SNX4: variants seen among roughly 807,000 people sequenced by gnomAD.
SNX4 encodes the protein sorting nexin 4, also known as sorting nexin-4.
A neutral mutation model predicts 70.8 loss-of-function variants in SNX4; 49 were observed. That is an observed-to-expected ratio of 0.69 (90% CI 0.55 to 0.88). The LOEUF is 0.88. Ranked by LOEUF, SNX4 falls within the 40% of genes least tolerant of loss-of-function variation. The pLI, the probability that SNX4 is intolerant of heterozygous loss-of-function variation, is 0.00. For missense variants in SNX4, 528 were observed against 544.8 expected (o/e 0.97, Z 0.31); for synonymous variants, 206 against 183.8 (o/e 1.12, Z -0.98).
intron 6 of SNX4, among the ~76,000 whole-genome samples, chr3:125,486,707 C>G (rs543774092): frequency 6.6e-6 from 1 of 152,112 alleles, no homozygotes; most frequent in African/African-American, 2.4e-5. Flanking sequence ...TTATTTGCAA[C>G]AATATAAGAT....
intron 5 of SNX4, among the ~76,000 whole-genome samples, chr3:125,490,524 CAAAAAAAAAAA>C (rs1173858739): frequency 3.1e-4 from 15 of 48,900 alleles, no homozygotes; most frequent in African/African-American, 1.1e-3. Context: ...ACTCTGTCTC[CAAAAAAAAAAA>C]AAAAAAAAAA....
chr3:125,517,793 T>C (rs1174979189), intron 1 of SNX4, among the ~76,000 whole-genome samples: 1 of 151,560 alleles, frequency 6.6e-6, no homozygotes, highest in Non-Finnish European at 1.5e-5. Context: ...CTGGCGAACA[T>C]GATGAAACCC....
intron 1 of SNX4, among the ~76,000 whole-genome samples, chr3:125,513,035 G>T (rs935074398): frequency 2.0e-5 from 3 of 152,190 alleles, no homozygotes; most frequent in African/African-American, 7.2e-5. Flanking sequence ...GGAAAACAGA[G>T]ATAATAGTAC....
At chr3:125,483,814 A>G (rs190774925) in intron 6 of SNX4, among the ~76,000 whole-genome samples, 1 of 152,340 alleles carries the variant, frequency 6.6e-6, no homozygotes, top group African/African-American at 2.4e-5. Flanking sequence ...CTTAGATAAC[A>G]ATGTATGTTT....
At chr3:125,467,383 T>A (rs954324498) in intron 9 of SNX4, among the ~76,000 whole-genome samples, 10 of 151,732 alleles carry the variant, frequency 6.6e-5, no homozygotes, top group African/African-American at 2.4e-4. Flanking sequence ...TGAGACTCCA[T>A]CTCAGAAAAA....
chr3:125,490,393 G>A (rs899754538), intron 5 of SNX4, among the ~76,000 whole-genome samples: 6 of 151,262 alleles, frequency 4.0e-5, no homozygotes, highest in Admixed American at 6.6e-5. Flanking sequence ...GTGGTGGCGC[G>A]TGCCTGTAGT....
At chr3:125,483,976 G>A (rs1024474741) in intron 6 of SNX4, among the ~76,000 whole-genome samples, 2 of 152,112 alleles carry the variant, frequency 1.3e-5, no homozygotes, top group Non-Finnish European at 1.5e-5. Context: ...CATATATAAC[G>A]TCAGAATGTT....
chr3:125,486,591 A>G (rs960297372), intron 6 of SNX4, among the ~76,000 whole-genome samples: 1 of 152,168 alleles, frequency 6.6e-6, no homozygotes, highest in Non-Finnish European at 1.5e-5. Flanking sequence ...GCAGCACTGC[A>G]CTCCAGCCTG....
In SNX4 at chr3:125,520,117, G is replaced by T. The variant is rs753507857; in HGVS notation, c.56C>A (p.Pro19Gln). The T allele has an allele frequency of 4.0e-6, 6 of 1,482,422 alleles. No homozygotes were observed. The highest frequency in any genetic ancestry group is 2.9e-5 in the East Asian group (1 of 34,308). The allele number at this position is 1,482,422 out of a possible 1,614,324, so 91.8% of individuals were successfully genotyped here. ...CAGCCCAGCGTCTGGGGAGCCCAGC[G>T]GCTCCAAGGGCGCCGGCTGGAGCTG... The part of the protein sequence containing the change: ...ERQLQPAPLE[P>Q]LGSPDAGLGA... The change falls in exon 1 of 14, where the codon CCG becomes CAG. Residue 19 changes from proline to glutamine, a missense_variant. This residue lies in a region of SNX4 where 341 missense variants were observed against 312.2 expected (regional missense o/e 1.09). Transcript: ENST00000251775.
At position 125,446,679 on chromosome 3, in the gene SNX4, T is replaced by G. The variant is rs971056456; in HGVS notation, c.*1100A>C. The G allele has an allele frequency of 6.6e-6, 1 of 152,612 alleles. No individual in the cohort carries two copies. Among genetic ancestry groups the G allele is most frequent in the African/African-American group, 2.4e-5 (1 of 41,436 alleles). 9.5% of individuals were successfully genotyped at this position (152,612 alleles called of 1,614,324 possible). A position where few individuals can be genotyped will look rare whatever the true frequency, so the allele number is the denominator to read the frequency against. ...CACAATATTTCATTTATTTATTGTA[T>G]AAGTTTGGCAAACAGCACAAAAATC... is the stretch of plus-strand genomic sequence containing the variant. On this transcript the variant is annotated 3_prime_UTR_variant, in exon 14 of 14. Transcript: ENST00000251775.
chr3:125,494,401 A>G (rs1188715550), intron 5 of SNX4, among the ~76,000 whole-genome samples: 1 of 152,198 alleles, frequency 6.6e-6, no homozygotes, highest in African/African-American at 2.4e-5. Context: ...AGAGTTCCTC[A>G]TCTAAAAAAT....
Position 125,476,728 on chromosome 3 carries a change from T to C in SNX4, c.755A>G (p.Tyr252Cys), listed in dbSNP as rs767410178. 1.2e-6 allele frequency: 2 copies of C among 1,600,084 alleles called. No individual in the cohort carries two copies. Among genetic ancestry groups the C allele is most frequent in the Admixed American group, 3.4e-5 (2 of 59,054 alleles). Residue 252 changes from tyrosine (Y) to cysteine (C), a missense_variant, in exon 8 of 14, where the codon TAT (tyrosine) becomes TGT (cysteine). This residue lies in a region of SNX4 where 341 missense variants were observed against 312.2 expected (regional missense o/e 1.09). Transcript: ENST00000251775. ...TCGACCATAATTCCCATGTACTTTATATACACCATAGAGTCGATCTGCTAC... is the reference window on the plus strand; with the variant it reads ...TCGACCATAATTCCCATGTACTTTACATACACCATAGAGTCGATCTGCTAC... ...ARVADRLYGV[Y>C]KVHGNYGRVF...
intron 6 of SNX4, among the ~76,000 whole-genome samples, chr3:125,481,331 T>C (rs937703099): frequency 1.3e-5 from 2 of 151,456 alleles, no homozygotes; most frequent in Non-Finnish European, 2.9e-5. Flanking sequence ...GTCAGTATTA[T>C]TTTCTCATGG....
rs1199528774 is a variant in SNX4, at chr3:125,520,055, C to T, written c.118G>A (p.Glu40Lys). The T allele has an allele frequency of 1.9e-6, 3 of 1,557,774 alleles. No homozygotes were observed. Among genetic ancestry groups the T allele is most frequent in the East Asian group, 2.7e-5 (1 of 37,568 alleles). ...ACCGTGTCGACCCCAGAGCTCTCTT[C>T]TCCGGCCCCCTCCGCTTCCTTGCCG... Reference protein sequence around the residue: ...AVGKEAEGAGEESSGVDTMTH... With the variant: ...AVGKEAEGAGKESSGVDTMTH... Residue 40 changes from glutamate to lysine, a missense_variant, in exon 1 of 14, where the codon GAA (glutamate) becomes AAA (lysine). By Grantham distance (56) the Glu-to-Lys change is moderately conservative. Transcript: ENST00000251775.
In SNX4 at chr3:125,475,144, T is replaced by C. The variant is rs59887150; in HGVS notation, c.788+1551A>G. ...AAGCTTCTTTTAATTAAAAAAGTCA[T>C]ATAACCTTGATCTGTCTCAACTGAC... On this transcript the variant is annotated intron_variant, in intron 8 of 13. Transcript: ENST00000251775. Among the ~76,000 whole-genome samples the C allele has an allele frequency of 5.7e-3, 861 of 152,318 alleles. 7 individuals carry two copies. The highest frequency in any genetic ancestry group is 0.027 in the Middle Eastern group (8 of 294).
intron 2 of SNX4, among the ~76,000 whole-genome samples, chr3:125,499,888 G>A (rs895590942): frequency 5.3e-5 from 8 of 151,804 alleles, no homozygotes; most frequent in East Asian, 1.9e-4. Context: ...GTGAAACCCC[G>A]TCTCTACTAA....
At chr3:125,465,733 C>T (rs1356487301) in intron 9 of SNX4, among the ~76,000 whole-genome samples, 1 of 151,826 alleles carries the variant, frequency 6.6e-6, no homozygotes, top group African/African-American at 2.4e-5. Flanking sequence ...ACCTCTGCCT[C>T]CCGAGTTCAA....
intron 1 of SNX4, among the ~76,000 whole-genome samples, chr3:125,509,752 C>CAAAAAAAAAAAAAAAAAAAAAAAAAAAA (rs202049305): frequency 1.5e-5 from 1 of 68,686 alleles, no homozygotes. Flanking sequence ...GAATCTGTCT[C>CAAAAAAAAAAAAAAAAAAAAAAAAAAAA]AAAAAAAAAA....
At chr3:125,474,049 C>A (rs144194710) in intron 8 of SNX4, among the ~76,000 whole-genome samples, 1 of 152,224 alleles carries the variant, frequency 6.6e-6, no homozygotes, top group East Asian at 1.9e-4. Context: ...TCCCTCAAAC[C>A]CACCATTCCA....
Sources: allele counts gnomAD v4.1 joint callset (sites outside exome capture counted in the v4.1 genomes callset), GRCh38; gene constraint gnomAD v4.1.1; regional missense constraint gnomAD v4.1.1; transcripts MANE v1.5; gene names NCBI Gene and HGNC (gene_info 2026-07-23, HGNC 2026-07-21).